The following DNAL1 variants were observed in gnomAD, a reference collection of about 807,000 sequenced individuals.
DNAL1 encodes dynein axonemal light chain 1.
In DNAL1, 17 loss-of-function variants were observed where a neutral mutation model predicts 29.4. That is an observed-to-expected ratio of 0.58 (90% CI 0.40 to 0.87). DNAL1 has a LOEUF of 0.87. Among genes scored for constraint, DNAL1 ranks in the 40% least tolerant of loss-of-function variants. The pLI, the probability that DNAL1 is intolerant of heterozygous loss-of-function variation, is 0.00. For missense variants in DNAL1, 188 were observed against 214.1 expected, an observed-to-expected ratio of 0.88 and a Z score of 0.76; for synonymous variants, 78 against 76.3, an observed-to-expected ratio of 1.02 and a Z score of -0.12.
intron 4 of DNAL1, among the ~76,000 whole-genome samples, chr14:73,666,022 C>T (rs907461992): frequency 6.6e-6 from 1 of 152,122 alleles, no homozygotes; most frequent in South Asian, 2.1e-4. Flanking sequence ...TGGCTCATTT[C>T]ATTTTAGTTC....
intron 5 of DNAL1, among the ~76,000 whole-genome samples, chr14:73,675,967 T>C (rs990902674): frequency 3.3e-5 from 5 of 151,776 alleles, no homozygotes; most frequent in Non-Finnish European, 7.4e-5. Flanking sequence ...GGAGCCGAGA[T>C]TGCGCCATTG....
chr14:73,661,842 A>G (rs939426856), intron 3 of DNAL1, 145 bp from the exon 4 acceptor site: 1 of 567,388 alleles, frequency 1.8e-6, no homozygotes, highest in Non-Finnish European at 3.1e-6. Context: ...AAAAACAATG[A>G]TTTCAAAATG....
chr14:73,687,344 T>G lies in DNAL1; in HGVS notation c.350T>G (p.Leu117Trp), dbSNP rs535885451. The G allele has an allele frequency of 2.5e-6, 4 of 1,611,654 alleles. No individual in the cohort carries two copies. The highest frequency in any genetic ancestry group is 2.5e-6 in the Non-Finnish European group (3 of 1,178,946). Reference protein sequence around the residue: ...KLKGIHIMKKLKILYMSNNLV... With the variant: ...KLKGIHIMKKWKILYMSNNLV... ...AAAGGGATCCACATAATGAAGAAAT[T>G]GAAGATTCTCTACATGTCTAATAAC... The change falls in exon 6 of 8, where the codon TTG becomes TGG. Residue 117 changes from leucine (L) to tryptophan (W), a missense_variant. By Grantham distance (61) the Leu-to-Trp change is moderately conservative (BLOSUM62 -2). Transcript: ENST00000553645.
rs1056365275 is a variant in DNAL1, at chr14:73,703,045, G to A, written c.*7103G>A. On this transcript the variant is annotated 3_prime_UTR_variant, in exon 8 of 8. Coordinates refer to ENST00000553645, the MANE Select transcript of DNAL1 (RefSeq NM_031427.4). ...GAGGCAGGATTGCTTGAACCCAGAA[G>A]TTTGAGGTTACAGTGAGCTATGATC... The A allele has an allele frequency of 6.6e-6, 1 of 152,102 alleles. No individual in the cohort carries two copies. The highest frequency in any genetic ancestry group is 6.6e-5 in the Admixed American group (1 of 15,264). The allele number at this position is 152,102 out of a possible 1,614,324, so 9.4% of individuals were successfully genotyped here. A position where few individuals can be genotyped will look rare whatever the true frequency, so the allele number is the denominator to read the frequency against.
At chr14:73,678,073 T>C (rs1421658990) in intron 5 of DNAL1, among the ~76,000 whole-genome samples, 1 of 151,756 alleles carries the variant, frequency 6.6e-6, no homozygotes, top group Admixed American at 6.6e-5. Context: ...ATATTTTTTA[T>C]TTTTTGTAGA....
intron 5 of DNAL1, among the ~76,000 whole-genome samples, chr14:73,679,484 T>C (rs1555402484): frequency 6.6e-6 from 1 of 151,774 alleles, no homozygotes; most frequent in Non-Finnish European, 1.5e-5. Flanking sequence ...GATAATTGGA[T>C]AAACAAACAA....
intron 5 of DNAL1, among the ~76,000 whole-genome samples, chr14:73,683,035 C>T (rs1225308663): frequency 1.3e-5 from 2 of 152,060 alleles, no homozygotes; most frequent in Non-Finnish European, 2.9e-5. Context: ...CATCACCACG[C>T]CCAGCTAATG....
At chr14:73,658,984 TTG>T in intron 3 of DNAL1, 28 bp downstream of exon 3, 1 of 1,366,094 alleles carries the variant, frequency 7.3e-7, no homozygotes, top group South Asian at 1.9e-5. Context: ...CCTTCCAGTA[TTG>T]CTGTTAGGTT....
intron 5 of DNAL1, among the ~76,000 whole-genome samples, chr14:73,685,482 CTG>C (rs1221120100): frequency 1.4e-5 from 2 of 138,888 alleles, no homozygotes; most frequent in African/African-American, 5.3e-5. Context: ...TTTTTTGAGA[CTG>C]AGTCTCACTG....
intron 4 of DNAL1, among the ~76,000 whole-genome samples, chr14:73,663,466 A>G (rs1044824356): frequency 6.6e-6 from 1 of 152,122 alleles, no homozygotes; most frequent in Non-Finnish European, 1.5e-5. Flanking sequence ...TCAGCCTCCC[A>G]AAGTGCTGGG....
intron 5 of DNAL1, among the ~76,000 whole-genome samples, chr14:73,676,785 A>G (rs1891742726): frequency 1.3e-5 from 2 of 151,592 alleles, no homozygotes; most frequent in Admixed American, 1.3e-4. Context: ...TTATTTGCGT[A>G]TTTACATGTG....
At position 73,695,954 on chromosome 14, in the gene DNAL1, C is replaced by T; in HGVS notation, c.*12C>T. 6.3e-7 allele frequency: 1 copy of T among 1,583,486 alleles called. No homozygotes were observed. On this transcript the variant is annotated 3_prime_UTR_variant, in exon 8 of 8. Coordinates refer to ENST00000553645, the MANE Select transcript of DNAL1 (RefSeq NM_031427.4). ...AAGAAGACAACTAATGCCACGCTTT[C>T]CACTGTGTGTTAACTTATTTAAATG...
chr14:73,662,152 T>C (rs766728712), intron 4 of DNAL1, 110 bp downstream of exon 4: 6 of 901,144 alleles, frequency 6.7e-6, no homozygotes, highest in African/African-American at 1.7e-5. Context: ...GCCATACTTG[T>C]TGTCAGATAA....
At chr14:73,656,286 A>G (rs1332598841) in intron 2 of DNAL1, among the ~76,000 whole-genome samples, 1 of 152,162 alleles carries the variant, frequency 6.6e-6, no homozygotes, top group Non-Finnish European at 1.5e-5. Context: ...TCTTAAGGAA[A>G]AAAAGCATAT....
At chr14:73,684,873 A>T (rs1719912796) in intron 5 of DNAL1, among the ~76,000 whole-genome samples, 1 of 152,202 alleles carries the variant, frequency 6.6e-6, no homozygotes. Context: ...CAGCCTGCGT[A>T]ACAGATCGAG....
intron 1 of DNAL1, among the ~76,000 whole-genome samples, chr14:73,649,858 T>A (rs1891073591): frequency 6.6e-6 from 1 of 152,218 alleles, no homozygotes; most frequent in Non-Finnish European, 1.5e-5. Flanking sequence ...CCCTTACATA[T>A]AATGGTGTGG....
intron 4 of DNAL1, among the ~76,000 whole-genome samples, chr14:73,669,387 C>T (rs1036585248): frequency 4.6e-5 from 7 of 152,084 alleles, no homozygotes; most frequent in Admixed American, 2.6e-4. Context: ...AGCGATTCTC[C>T]TGCCTCAGCC....
intron 1 of DNAL1, chr14:73,653,253 G>A (rs1891146876): frequency 6.6e-6 from 1 of 152,234 alleles, no homozygotes. Flanking sequence ...AACTCTGGAA[G>A]TCCCAAAGTT....
Position 73,687,374 on chromosome 14 carries a change from T to G in DNAL1, c.380T>G (p.Val127Gly), listed in dbSNP as rs1338701151. 1.2e-6 allele frequency: 2 copies of G among 1,601,916 alleles called. No homozygotes were observed. Among genetic ancestry groups the G allele is most frequent in the Non-Finnish European group, 1.7e-6 (2 of 1,174,230 alleles). ...ATTCTCTACATGTCTAATAACCTGG[T>G]AAAAGACTGGGGTAAGCTGAGAGTG... ...LKILYMSNNLVKDWAEFVKLA... is the reference protein window; with the variant it reads ...LKILYMSNNLGKDWAEFVKLA... The change falls in exon 6 of 8, where the codon GTA becomes GGA. Residue 127 changes from valine to glycine, a missense_variant. Physicochemically the swap from Val to Gly is moderately radical, Grantham distance 109. Coordinates refer to ENST00000553645, the MANE Select transcript of DNAL1 (RefSeq NM_031427.4).
Sources: allele counts gnomAD v4.1 joint callset (sites outside exome capture counted in the v4.1 genomes callset), GRCh38; gene constraint gnomAD v4.1.1; transcripts MANE v1.5; gene names NCBI Gene and HGNC (gene_info 2026-07-23, HGNC 2026-07-21).